The following SH3BGRL variants were observed in gnomAD, a reference collection of about 807,000 sequenced individuals.
SH3BGRL encodes adapter SH3BGRL.
A neutral mutation model predicts 9.8 loss-of-function variants in SH3BGRL; 7 were observed. The observed-to-expected ratio is 0.72, with a 90% confidence interval of 0.41 to 1.35. The LOEUF is 1.35. SH3BGRL is among the 40% of genes most tolerant of loss of function. The pLI is 0.01. For synonymous variants in SH3BGRL, 36 were observed against 29.1 expected, an observed-to-expected ratio of 1.24 and a Z score of -0.76; for missense variants, 73 against 84.4, an observed-to-expected ratio of 0.86 and a Z score of 0.53.
At chrX:81,223,983 G>T (rs1438293968) in intron 1 of SH3BGRL, among the ~76,000 whole-genome samples, 1 of 111,882 alleles carries the variant, frequency 8.9e-6, no homozygotes, top group Non-Finnish European at 1.9e-5. Context: ...ACTGCACCTG[G>T]CCAAATTCTT....
chrX:81,282,413 G>C (rs1406482401), intron 3 of SH3BGRL, among the ~76,000 whole-genome samples: 7 of 111,502 alleles, frequency 6.3e-5, no homozygotes, highest in African/African-American at 2.3e-4. Flanking sequence ...CTCCAACATA[G>C]ACCATATGAT....
intron 1 of SH3BGRL, among the ~76,000 whole-genome samples, chrX:81,207,426 A>G (rs1035260819): frequency 1.8e-5 from 2 of 112,455 alleles, no homozygotes; most frequent in Admixed American, 9.4e-5. Flanking sequence ...AGATAAAACA[A>G]TGTTCTGGAT....
rs544176336 is a variant in SH3BGRL at position 81,283,721 on chromosome X, G to A, written c.312+5310G>A. Among the ~76,000 whole-genome samples the A allele has an allele frequency of 4.5e-5, 5 of 111,127 alleles. No individual in the cohort carries two copies. The South Asian group carries it at 1.5e-3, about 34-fold the overall frequency. On this transcript the variant is annotated intron_variant, in intron 3 of 3. Coordinates refer to ENST00000373212, the MANE Select transcript of SH3BGRL (RefSeq NM_003022.3). ...ACCCACAGCCAACATAATACAGAAT[G>A]GGGAAAAGTTGAAAACATTCCCACT...
chrX:81,242,364 C>A (rs970124689), intron 1 of SH3BGRL, among the ~76,000 whole-genome samples: 4 of 111,605 alleles, frequency 3.6e-5, no homozygotes, highest in African/African-American at 1.3e-4. Flanking sequence ...CATCCATATG[C>A]AGAAGAATGA....
At chrX:81,262,828 T>A (rs995878740) in intron 1 of SH3BGRL, among the ~76,000 whole-genome samples, 4 of 111,624 alleles carry the variant, frequency 3.6e-5, no homozygotes, top group Non-Finnish European at 7.5e-5. Flanking sequence ...CTAAAAACAT[T>A]TTGGTGGTGC....
intron 1 of SH3BGRL, among the ~76,000 whole-genome samples, chrX:81,221,245 C>G (rs1050666087): frequency 2.7e-5 from 3 of 111,717 alleles, no homozygotes; most frequent in East Asian, 5.6e-4. Flanking sequence ...GTGTTAGGCT[C>G]TATTTATTTC....
chrX:81,207,036 T>A (rs1423424321), intron 1 of SH3BGRL, among the ~76,000 whole-genome samples: 2 of 112,410 alleles, frequency 1.8e-5, no homozygotes, highest in Admixed American at 9.4e-5. Context: ...GGAAAATGAA[T>A]AGTAATCTCA....
chrX:81,253,949 A>G (rs183063151), intron 1 of SH3BGRL, among the ~76,000 whole-genome samples: 2 of 111,594 alleles, frequency 1.8e-5, no homozygotes, highest in East Asian at 2.8e-4. Context: ...GAAATTGAGG[A>G]TCAGGAAGCA....
intron 1 of SH3BGRL, among the ~76,000 whole-genome samples, chrX:81,214,636 G>T (rs1258441214): frequency 9.0e-6 from 1 of 111,632 alleles, no homozygotes; most frequent in Non-Finnish European, 1.9e-5. Flanking sequence ...GATAGGAAAG[G>T]ATGAAAGCAA....
At chrX:81,267,788 G>T (rs1284721384) in intron 1 of SH3BGRL, among the ~76,000 whole-genome samples, 2 of 111,301 alleles carry the variant, frequency 1.8e-5, no homozygotes, top group Admixed American at 1.9e-4. Context: ...AACTACGCAT[G>T]CAATAAAGCT....
intron 1 of SH3BGRL, among the ~76,000 whole-genome samples, chrX:81,205,262 A>G (rs1215737143): frequency 9.1e-6 from 1 of 110,342 alleles, no homozygotes; most frequent in Non-Finnish European, 1.9e-5. Context: ...ACCACCATCC[A>G]TTCTACCCAA....
intron 1 of SH3BGRL, among the ~76,000 whole-genome samples, chrX:81,250,427 T>G (rs1265025534): frequency 9.2e-6 from 1 of 108,213 alleles, no homozygotes; most frequent in Non-Finnish European, 1.9e-5. Context: ...AAAAATAAAA[T>G]AAAAATAGAA....
chrX:81,267,952 A>G (rs1162988719), intron 1 of SH3BGRL, among the ~76,000 whole-genome samples: 1 of 111,620 alleles, frequency 9.0e-6, no homozygotes, highest in African/African-American at 3.3e-5. Context: ...GGGAGGGTGT[A>G]TGGGTCCAAG....
At chrX:81,266,910 G>A (rs1322602359) in intron 1 of SH3BGRL, among the ~76,000 whole-genome samples, 1 of 111,609 alleles carries the variant, frequency 9.0e-6, no homozygotes, top group Admixed American at 9.5e-5. Flanking sequence ...TTTACTTGAA[G>A]AGGTCCTTCA....
intron 3 of SH3BGRL, among the ~76,000 whole-genome samples, chrX:81,280,704 C>T (rs775275254): frequency 9.0e-6 from 1 of 111,703 alleles, no homozygotes; most frequent in Admixed American, 9.5e-5. Context: ...TCTGACAGAG[C>T]CTACCCAAGT....
intron 1 of SH3BGRL, among the ~76,000 whole-genome samples, chrX:81,219,911 G>T (rs1459546349): frequency 1.8e-5 from 2 of 111,477 alleles, no homozygotes; most frequent in African/African-American, 3.3e-5. Context: ...TTGATATGAT[G>T]TATTACATTG....
chrX:81,237,727 G>C (rs1569361320), intron 1 of SH3BGRL, among the ~76,000 whole-genome samples: 2 of 109,200 alleles, frequency 1.8e-5, no homozygotes, highest in African/African-American at 6.7e-5. Flanking sequence ...GTAGACTGTG[G>C]GGCACATGAG....
chrX:81,265,344 A>T (rs1302996987), intron 1 of SH3BGRL, among the ~76,000 whole-genome samples: 2 of 107,924 alleles, frequency 1.9e-5, no homozygotes, highest in Non-Finnish European at 3.8e-5. Context: ...ATTTCTCCCA[A>T]TGTTATCCCT....
intron 1 of SH3BGRL, among the ~76,000 whole-genome samples, chrX:81,254,555 A>G (rs2075719759): frequency 8.9e-6 from 1 of 112,207 alleles, no homozygotes; most frequent in Admixed American, 9.5e-5. Context: ...ACTATAGAGG[A>G]AAAAGCCCAG....
Sources: allele counts gnomAD v4.1 joint callset (sites outside exome capture counted in the v4.1 genomes callset), GRCh38; gene constraint gnomAD v4.1.1; transcripts MANE v1.5; gene names NCBI Gene and HGNC (gene_info 2026-07-23, HGNC 2026-07-21).